KATNIP: variants seen among roughly 807,000 people sequenced by gnomAD.
KATNIP encodes katanin interacting protein, also known as katanin-interacting protein.
Under a neutral mutation model 174.0 loss-of-function variants are expected in KATNIP, and 126 were observed. The ratio of observed to expected loss-of-function variants is 0.72; its 90% CI spans 0.63 to 0.84. The LOEUF (loss-of-function observed/expected upper bound fraction) is 0.84, where lower values mean the gene tolerates loss of function less well. KATNIP is among the 40% of genes least tolerant of loss of function. KATNIP has a pLI of 0.00. For synonymous variants in KATNIP, 810 were observed against 835.7 expected (o/e 0.97, Z 0.53); for missense variants, 1,958 against 2,109.7 (o/e 0.93, Z 1.41).
chr16:27,755,126 A>T (rs1339672784), intron 18 of KATNIP: 1 of 152,172 alleles, frequency 6.6e-6, no homozygotes, highest in Non-Finnish European at 1.5e-5. Context: ...TGTGAATGTG[A>T]CCCGCTTCTA....
chr16:27,557,196 C>T (rs2089665036), intron 1 of KATNIP, among the ~76,000 whole-genome samples: 1 of 149,602 alleles, frequency 6.7e-6, no homozygotes, highest in African/African-American at 2.5e-5. Context: ...GGCTGGAGTA[C>T]AGTGGCGCGA....
chr16:27,630,065 C>T (rs919566771), intron 4 of KATNIP, among the ~76,000 whole-genome samples: 1 of 152,184 alleles, frequency 6.6e-6, no homozygotes, highest in Non-Finnish European at 1.5e-5. Context: ...ACTGGCGAGA[C>T]TGCTTATCCC....
chr16:27,562,722 A>C (rs1253226227), intron 1 of KATNIP, among the ~76,000 whole-genome samples: 1 of 152,226 alleles, frequency 6.6e-6, no homozygotes, highest in African/African-American at 2.4e-5. Flanking sequence ...ATAGACTGAA[A>C]TATATTTCAG....
At chr16:27,738,420 T>C (rs2080977075) in intron 14 of KATNIP, among the ~76,000 whole-genome samples, 1 of 152,166 alleles carries the variant, frequency 6.6e-6, no homozygotes, top group South Asian at 2.1e-4. Flanking sequence ...GCACAGTTTA[T>C]TGTATGGGGT....
intron 27 of KATNIP, among the ~76,000 whole-genome samples, chr16:27,778,222 G>A (rs963540250): frequency 7.2e-5 from 11 of 152,250 alleles, no homozygotes; most frequent in Non-Finnish European, 1.5e-4. Flanking sequence ...GGCACAGAGT[G>A]GGGAAGCAGT....
intron 2 of KATNIP, among the ~76,000 whole-genome samples, chr16:27,591,569 A>G (rs1411561355): frequency 5.3e-5 from 8 of 152,178 alleles, no homozygotes; most frequent in Non-Finnish European, 5.9e-5. Flanking sequence ...TCTAAGCCTT[A>G]GCATTCTCAC....
Position 27,654,986 on chromosome 16 carries a change from G to A in KATNIP, c.540+6251G>A, listed in dbSNP as rs58321828. On this transcript the variant is annotated intron_variant, in intron 6 of 27. Transcript: ENST00000261588. The stretch of plus-strand genomic sequence containing the variant: ...CAACTAAAAATTTTTAAAATGTGCA[G>A]GGTGTGGTGGCATGTGCCTGCAGTC... Among the ~76,000 whole-genome samples, 1,470 of 151,526 alleles carry A rather than the reference G, an allele frequency of 9.7e-3. 19 individuals carry two copies. Among genetic ancestry groups the A allele is most frequent in the African/African-American group, 0.034 (1,390 of 41,284 alleles).
At chr16:27,580,534 T>C (rs2090658900) in intron 2 of KATNIP, among the ~76,000 whole-genome samples, 1 of 152,234 alleles carries the variant, frequency 6.6e-6, no homozygotes, top group Admixed American at 6.5e-5. Context: ...ACAATATTCC[T>C]GACACCAGTC....
intron 14 of KATNIP, among the ~76,000 whole-genome samples, chr16:27,729,354 C>G (rs1271806190): frequency 6.6e-6 from 1 of 152,220 alleles, no homozygotes; most frequent in Non-Finnish European, 1.5e-5. Context: ...AAGCTGCAAT[C>G]TAGCGCCCAT....
At chr16:27,579,885 C>T (rs886971656) in intron 2 of KATNIP, among the ~76,000 whole-genome samples, 3 of 151,856 alleles carry the variant, frequency 2.0e-5, no homozygotes, top group African/African-American at 7.3e-5. Flanking sequence ...ACACACCTTC[C>T]TGCTAGTAAC....
chr16:27,761,158 G>A (rs949842731), intron 18 of KATNIP, among the ~76,000 whole-genome samples: 1 of 152,182 alleles, frequency 6.6e-6, no homozygotes, highest in African/African-American at 2.4e-5. Context: ...AATCTGGTAG[G>A]CGGAGGAAGG....
intron 2 of KATNIP, chr16:27,574,273 G>A (rs2090407834): frequency 5.8e-6 from 2 of 345,948 alleles, no homozygotes. Context: ...TAGCAGTTTG[G>A]GCTTATCTGG....
At position 27,740,686 on chromosome 16, in the gene KATNIP, G is replaced by T. The variant is rs764339756; in HGVS notation, c.2389G>T (p.Gly797Cys). The change falls in exon 15 of 28, where the codon GGT becomes TGT. Residue 797 changes from glycine (G) to cysteine (C), a missense_variant. Gly to Cys is a radical substitution (Grantham distance 159). Around this residue, in one of 3 missense-constraint regions of KATNIP, gnomAD observed 1,557 missense variants for 1,617.8 expected, o/e 0.96. Coordinates refer to ENST00000261588, the MANE Select transcript of KATNIP (RefSeq NM_015202.5). ...RLPSDDVIGEGPGETEARDKG... is the reference protein window; with the variant it reads ...RLPSDDVIGECPGETEARDKG... ...CCCATCAGACGATGTCATCGGTGAG[G>T]GTCCTGGAGAGACCGAGGCCAGGGA... 6.2e-6 allele frequency: 10 copies of T among 1,614,076 alleles called. No homozygotes were observed. The highest frequency in any genetic ancestry group is 8.5e-6 in the Non-Finnish European group (10 of 1,180,052).
At chr16:27,609,566 A>G (rs1447552170) in intron 2 of KATNIP, among the ~76,000 whole-genome samples, 1 of 146,722 alleles carries the variant, frequency 6.8e-6, no homozygotes, top group East Asian at 2.0e-4. Flanking sequence ...AATTTTTTGT[A>G]TCTTTAGTAG....
In KATNIP at chr16:27,612,269, G is replaced by C. The variant is rs1228900014; in HGVS notation, c.64-6156G>C. On this transcript the variant is annotated intron_variant, in intron 2 of 27. Coordinates refer to ENST00000261588, the MANE Select transcript of KATNIP (RefSeq NM_015202.5). ...GGTACAGGCATCACCCCATCTTATAGGTAAAGAAACTAGGTGGCAACCTTG... is the reference window on the plus strand; with the variant it reads ...GGTACAGGCATCACCCCATCTTATACGTAAAGAAACTAGGTGGCAACCTTG... Among the ~76,000 whole-genome samples, 3 of 152,148 alleles carry C rather than the reference G, an allele frequency of 2.0e-5. No homozygotes were observed. The East Asian group carries it at 5.8e-4, about 29-fold the overall frequency.
chr16:27,595,319 T>TGAGGCTGCAGTGAGCTGAGATC (rs1305563238), intron 2 of KATNIP, among the ~76,000 whole-genome samples: 53 of 152,200 alleles, frequency 3.5e-4, no homozygotes, highest in African/African-American at 1.2e-3. Context: ...CCTGGGAAGT[T>TGAGGCTGCAGTGAGCTGAGATC]GAGGCTGCAG....
intron 7 of KATNIP, among the ~76,000 whole-genome samples, chr16:27,680,245 C>A (rs932410890): frequency 6.6e-6 from 1 of 152,134 alleles, no homozygotes; most frequent in African/African-American, 2.4e-5. Flanking sequence ...AGGTGTTAGG[C>A]GCACCTGCGG....
intron 6 of KATNIP, among the ~76,000 whole-genome samples, chr16:27,656,356 T>C (rs1433925523): frequency 7.2e-6 from 1 of 138,548 alleles, no homozygotes; most frequent in Non-Finnish European, 1.5e-5. Flanking sequence ...AGGTTGAGGC[T>C]GCAGTGAGCT....
chr16:27,702,657 G>A (rs1167819316), intron 11 of KATNIP, among the ~76,000 whole-genome samples: 2 of 152,204 alleles, frequency 1.3e-5, no homozygotes, highest in South Asian at 4.1e-4. Context: ...CCAGAAAGGG[G>A]GTGGTCGTTT....
Sources: gnomAD v4.1 joint callset for allele counts (sites outside exome capture counted in the v4.1 genomes callset) on GRCh38, gnomAD v4.1.1 for gene constraint, gnomAD v4.1.1 regional missense constraint, MANE v1.5 for transcripts, NCBI Gene and HGNC (gene_info 2026-07-23, HGNC 2026-07-21) for gene names.